The following ZNF608 variants were observed in gnomAD, a reference collection of about 807,000 sequenced individuals.
ZNF608 encodes renal carcinoma antigen NY-REN-36.
A neutral mutation model predicts 109.0 loss-of-function variants in ZNF608; 12 were observed. That is an observed-to-expected ratio of 0.11 (90% confidence interval 0.07 to 0.18). ZNF608 has a LOEUF of 0.18. ZNF608 is among the 10% of genes least tolerant of loss of function. The pLI, the probability that ZNF608 is intolerant of heterozygous loss-of-function variation, is 1.00. For missense variants in ZNF608, 1,707 were observed against 1,879.3 expected, an observed-to-expected ratio of 0.91 and a Z score of 1.70; for synonymous variants, 732 against 717.4, an observed-to-expected ratio of 1.02 and a Z score of -0.33.
rs745434649 is a variant in ZNF608, at chr5:124,647,573, C to T, written c.2811G>A (p.Pro937=). 121 of 1,614,042 alleles carry T rather than the reference C, an allele frequency of 7.5e-5. No individual in the cohort carries two copies. The highest frequency in any genetic ancestry group is 9.1e-5 in the Non-Finnish European group (107 of 1,180,036). The change falls in exon 5 of 10, where the codon CCG becomes CCA. Residue 937 remains proline, a synonymous_variant. Coordinates refer to ENST00000513986, the MANE Select transcript of ZNF608 (RefSeq NM_020747.3). ...CAGCATCAGATATGTCTGAATAGGC[C>T]GGGCTGCTTGTCTTTGCAGCTGAAC... is the stretch of plus-strand genomic sequence containing the variant. ...AESSAAKTSS[P]AYSDISDAAD...
At chr5:124,639,516 A>G (rs1750140012) in intron 8 of ZNF608, among the ~76,000 whole-genome samples, 2 of 152,256 alleles carry the variant, frequency 1.3e-5, no homozygotes, top group African/African-American at 4.8e-5. Context: ...CTCAGGAGAA[A>G]TAACAGATAC....
Position 124,671,558 on chromosome 5 carries a change from AC to A in ZNF608, c.1163-21862del, listed in dbSNP as rs369902792. ...GTCAAATTTGTCTCTTTTCCCTTAA[AC>A]AAAAATATTTTATATGGAGAAAGAA... On this transcript the variant is annotated intron_variant, in intron 3 of 9. Coordinates refer to ENST00000513986, the MANE Select transcript of ZNF608 (RefSeq NM_020747.3). 3.2e-3 allele frequency among the ~76,000 whole-genome samples: 492 copies of A among 152,194 alleles called. 1 individual carries two copies. The highest frequency in any genetic ancestry group is 0.011 in the African/African-American group (453 of 41,542).
At chr5:124,655,964 C>G (rs1750986730) in intron 3 of ZNF608, among the ~76,000 whole-genome samples, 1 of 152,218 alleles carries the variant, frequency 6.6e-6, no homozygotes, top group Non-Finnish European at 1.5e-5. Flanking sequence ...TTTCCCATTA[C>G]CTGTGCCAAG....
Position 124,745,078 on chromosome 5 carries a change from C to G in ZNF608, c.-89G>C. The stretch of plus-strand genomic sequence containing the variant: ...CGTTTATCTCCGCTGGGCTTTCTCT[C>G]AAAGAAAAAAAAAATCTTCTAATCT... On this transcript the variant is annotated 5_prime_UTR_variant, in exon 2 of 10. Transcript: ENST00000513986. The G allele has an allele frequency of 6.7e-7, 1 of 1,484,782 alleles. No homozygotes were observed. Among genetic ancestry groups the G allele is most frequent in the South Asian group, 1.4e-5 (1 of 70,162 alleles). The allele number at this position is 1,484,782 out of a possible 1,614,324, so 92.0% of individuals were successfully genotyped here.
At position 124,648,383 on chromosome 5, in the gene ZNF608, G is replaced by T; in HGVS notation, c.2001C>A (p.Asn667Lys). ...TTACTGGAAGGTTGTTCAGTTCATT[G>T]TTAAGGCCCTTCTTTTTGCCAGAAT... ...GKNSGKKKGL[N>K]NELNNLPVIS... Residue 667 changes from asparagine (N) to lysine (K), a missense_variant, in exon 5 of 10, where the codon AAC (asparagine) becomes AAA (lysine). Coordinates refer to ENST00000513986, the MANE Select transcript of ZNF608 (RefSeq NM_020747.3). 2.5e-6 allele frequency: 4 copies of T among 1,614,186 alleles called. No homozygotes were observed. The highest frequency in any genetic ancestry group is 3.4e-6 in the Non-Finnish European group (4 of 1,180,036).
intron 2 of ZNF608, among the ~76,000 whole-genome samples, chr5:124,716,154 A>G (rs1415833962): frequency 6.6e-5 from 10 of 151,128 alleles, no homozygotes; most frequent in African/African-American, 1.9e-4. Flanking sequence ...AAAAAAAAAA[A>G]AAAAAAAAAG....
rs1158234758 is a variant in ZNF608, at chr5:124,745,135, C to G, written c.-146G>C. Reference sequence around the variant, plus strand: ...TCTTTTTCCTGCCCCACGAATGTGTCCAGGGATTTTACACCCTCAGTCCAG... The same window carrying G: ...TCTTTTTCCTGCCCCACGAATGTGTGCAGGGATTTTACACCCTCAGTCCAG... On this transcript the variant is annotated 5_prime_UTR_variant, in exon 2 of 10. Coordinates refer to ENST00000513986, the MANE Select transcript of ZNF608 (RefSeq NM_020747.3). 6.9e-7 allele frequency: 1 copy of G among 1,438,926 alleles called. No individual in the cohort carries two copies. Among genetic ancestry groups the G allele is most frequent in the Non-Finnish European group, 9.1e-7 (1 of 1,104,714 alleles). The allele number at this position is 1,438,926 out of a possible 1,614,324, so 89.1% of individuals were successfully genotyped here.
intron 2 of ZNF608, among the ~76,000 whole-genome samples, chr5:124,714,299 C>A (rs1012052223): frequency 3.9e-5 from 6 of 152,128 alleles, no homozygotes; most frequent in African/African-American, 1.4e-4. Flanking sequence ...AAATCAAGTT[C>A]TCAAACACAT....
chr5:124,694,832 G>C (rs1282485005), intron 3 of ZNF608, among the ~76,000 whole-genome samples: 1 of 150,504 alleles, frequency 6.6e-6, no homozygotes, highest in African/African-American at 2.4e-5. Context: ...TTGGTTTTCT[G>C]TCCTTGCGAC....
chr5:124,653,252 C>A (rs1233533433), intron 3 of ZNF608, among the ~76,000 whole-genome samples: 1 of 152,212 alleles, frequency 6.6e-6, no homozygotes, highest in Admixed American at 6.5e-5. Flanking sequence ...ACCTACAGAA[C>A]ATTTAATAAG....
intron 3 of ZNF608, among the ~76,000 whole-genome samples, chr5:124,658,292 A>G (rs895596178): frequency 1.3e-5 from 2 of 152,228 alleles, no homozygotes; most frequent in Non-Finnish European, 2.9e-5. Flanking sequence ...AACACACAGC[A>G]GGATGCAAGG....
intron 2 of ZNF608, among the ~76,000 whole-genome samples, chr5:124,713,751 T>C (rs1411704894): frequency 6.6e-6 from 1 of 152,212 alleles, no homozygotes; most frequent in African/African-American, 2.4e-5. Flanking sequence ...GGTTCACTCT[T>C]GGACGTTAAT....
intron 4 of ZNF608, 82 bp from the exon 5 acceptor site, chr5:124,649,215 A>G: frequency 8.5e-7 from 1 of 1,178,094 alleles, no homozygotes; most frequent in South Asian, 1.7e-5. Flanking sequence ...TGCAGTAAAG[A>G]GGAGTCAACA....
chr5:124,680,198 G>A (rs768868666), intron 3 of ZNF608, among the ~76,000 whole-genome samples: 9 of 152,000 alleles, frequency 5.9e-5, no homozygotes, highest in African/African-American at 1.7e-4. Flanking sequence ...CTAGATCTCC[G>A]TAGAAGGATA....
chr5:124,645,200 G>A (rs573942437), intron 5 of ZNF608, among the ~76,000 whole-genome samples: 2 of 152,278 alleles, frequency 1.3e-5, no homozygotes, highest in African/African-American at 2.4e-5. Flanking sequence ...CTGCAGCTGA[G>A]GCTTAATATA....
At chr5:124,643,771 C>A in intron 6 of ZNF608, 88 bp from the exon 7 acceptor site, 2 of 1,346,472 alleles carry the variant, frequency 1.5e-6, no homozygotes, top group South Asian at 1.4e-5. Context: ...GGATAAGAGT[C>A]AAAGAGATCT....
intron 3 of ZNF608, among the ~76,000 whole-genome samples, chr5:124,666,734 T>A (rs1292107429): frequency 6.6e-6 from 1 of 151,610 alleles, no homozygotes; most frequent in Non-Finnish European, 1.5e-5. Flanking sequence ...TGTGTGTGTG[T>A]GTGTGTGTGT....
At chr5:124,672,743 A>C (rs547197436) in intron 3 of ZNF608, among the ~76,000 whole-genome samples, 1 of 152,342 alleles carries the variant, frequency 6.6e-6, no homozygotes, top group Non-Finnish European at 1.5e-5. Flanking sequence ...TTACCAATTA[A>C]ATAGCAACAT....
intron 3 of ZNF608, among the ~76,000 whole-genome samples, chr5:124,690,328 A>G (rs565513271): frequency 6.6e-6 from 1 of 152,332 alleles, no homozygotes; most frequent in African/African-American, 2.4e-5. Context: ...ATCTAAACTC[A>G]CTGATTGTAT....
Sources: gnomAD v4.1 joint callset for allele counts (sites outside exome capture counted in the v4.1 genomes callset) on GRCh38, gnomAD v4.1.1 for gene constraint, MANE v1.5 for transcripts, NCBI Gene and HGNC (gene_info 2026-07-23, HGNC 2026-07-21) for gene names.